The following CHN2 variants were observed in gnomAD, a reference collection of about 807,000 sequenced individuals.
The protein encoded by CHN2 is beta-chimaerin.
In CHN2, 35 loss-of-function variants were observed where a neutral mutation model predicts 56.3. That is an observed-to-expected ratio of 0.62 (90% CI 0.47 to 0.82). CHN2 has a LOEUF of 0.82. Ranked by LOEUF, CHN2 falls within the 40% of genes least tolerant of loss-of-function variation. The pLI is 0.00. For missense variants in CHN2, 491 were observed against 580.5 expected (o/e 0.85, Z 1.58); for synonymous variants, 210 against 212.8 (o/e 0.99, Z 0.12).
At chr7:29,412,494 G>A (rs1334760199) in intron 6 of CHN2, among the ~76,000 whole-genome samples, 1 of 151,908 alleles carries the variant, frequency 6.6e-6, no homozygotes, top group African/African-American at 2.4e-5. Flanking sequence ...ACCACACCCA[G>A]CTAATTTTTG....
At chr7:29,333,783 TG>T (rs1407285760) in intron 1 of CHN2, among the ~76,000 whole-genome samples, 1 of 152,084 alleles carries the variant, frequency 6.6e-6, no homozygotes, top group African/African-American at 2.4e-5. Flanking sequence ...CATAAACCAG[TG>T]GCTGCCGGAA....
chr7:29,309,468 T>C (rs192473774), intron 1 of CHN2, among the ~76,000 whole-genome samples: 33 of 152,298 alleles, frequency 2.2e-4, no homozygotes, highest in Admixed American at 2.0e-3. Flanking sequence ...CCTATTAATA[T>C]ATTCACAGTG....
intron 1 of CHN2, chr7:29,197,818 T>C: frequency 4.9e-6 from 2 of 405,086 alleles, no homozygotes; most frequent in South Asian, 1.8e-5. Flanking sequence ...ACAAATTCTG[T>C]GGAGAAGGGT....
intron 2 of CHN2, chr7:29,181,292 T>C (rs1314496681): frequency 6.6e-6 from 1 of 152,236 alleles, no homozygotes; most frequent in Non-Finnish European, 1.5e-5. Flanking sequence ...TTACTCACAT[T>C]GTAGTTTGAA....
At chr7:29,264,731 T>A (rs1789974721) in intron 1 of CHN2, among the ~76,000 whole-genome samples, 2 of 152,038 alleles carry the variant, frequency 1.3e-5, no homozygotes, top group Non-Finnish European at 2.9e-5. Flanking sequence ...CACGTTTGTC[T>A]GCTGACCTTC....
At chr7:29,303,500 C>T (rs1227591628) in intron 1 of CHN2, among the ~76,000 whole-genome samples, 2 of 152,172 alleles carry the variant, frequency 1.3e-5, no homozygotes, top group Admixed American at 1.3e-4. Flanking sequence ...TTTCCCAGTT[C>T]CACCTGGGAG....
intron 2 of CHN2, among the ~76,000 whole-genome samples, chr7:29,162,554 G>T (rs1044210172): frequency 6.6e-6 from 1 of 151,960 alleles, no homozygotes; most frequent in Non-Finnish European, 1.5e-5. Flanking sequence ...CCAACTACTT[G>T]GGAGGCTGAG....
chr7:29,439,384 G>T (rs950239502), intron 6 of CHN2, among the ~76,000 whole-genome samples: 1 of 152,166 alleles, frequency 6.6e-6, no homozygotes, highest in African/African-American at 2.4e-5. Flanking sequence ...GCTTCTTCCT[G>T]TTCCTTGACT....
At chr7:29,193,879 G>A (rs940811739), upstream of CHN2, 1 of 152,200 alleles carries the variant, frequency 6.6e-6, no homozygotes, top group Admixed American at 6.5e-5. Flanking sequence ...TTCTTTGAAG[G>A]CCAACCTCAG....
intron 2 of CHN2, among the ~76,000 whole-genome samples, chr7:29,357,680 A>G (rs926763459): frequency 7.2e-5 from 11 of 152,186 alleles, no homozygotes; most frequent in African/African-American, 2.7e-4. Flanking sequence ...CTGGGAAAGA[A>G]GACTATAGAA....
intron 3 of CHN2, among the ~76,000 whole-genome samples, chr7:29,387,348 A>T (rs1048543934): frequency 3.9e-5 from 6 of 152,238 alleles, no homozygotes; most frequent in African/African-American, 1.2e-4. Context: ...TCAGAGTCCC[A>T]CAGTAACTGG....
intron 6 of CHN2, among the ~76,000 whole-genome samples, chr7:29,434,073 C>CT (rs1234059450): frequency 1.3e-5 from 2 of 152,160 alleles, no homozygotes; most frequent in African/African-American, 4.8e-5. Context: ...AATTTGTACT[C>CT]TTTTCCTTGG....
intron 1 of CHN2, among the ~76,000 whole-genome samples, chr7:29,286,465 G>A: frequency 6.6e-6 from 1 of 152,132 alleles, no homozygotes; most frequent in East Asian, 1.9e-4. Context: ...GGAGGGAGAT[G>A]AAGGGACAAG....
intron 1 of CHN2, among the ~76,000 whole-genome samples, chr7:29,333,863 G>C (rs1442971171): frequency 6.6e-6 from 1 of 152,112 alleles, no homozygotes; most frequent in South Asian, 2.1e-4. Context: ...GACCAGATGA[G>C]TGTGTGTGAG....
At chr7:29,482,969 C>T (rs1787491016) in intron 7 of CHN2, among the ~76,000 whole-genome samples, 1 of 150,974 alleles carries the variant, frequency 6.6e-6, no homozygotes, top group Admixed American at 6.6e-5. Flanking sequence ...CTACAGGCGC[C>T]CGCCAACACA....
At chr7:29,492,806 T>C (rs1320021189) in intron 7 of CHN2, among the ~76,000 whole-genome samples, 1 of 152,216 alleles carries the variant, frequency 6.6e-6, no homozygotes, top group Non-Finnish European at 1.5e-5. Flanking sequence ...TGCTAATGAC[T>C]TCCATGTATC....
intron 1 of CHN2, among the ~76,000 whole-genome samples, chr7:29,342,228 A>C (rs757941680): frequency 6.6e-6 from 1 of 152,176 alleles, no homozygotes; most frequent in Non-Finnish European, 1.5e-5. Flanking sequence ...GGATGGTTAG[A>C]TGGATGGATG....
chr7:29,243,513 T>A (rs1482376668), intron 1 of CHN2, among the ~76,000 whole-genome samples: 1 of 152,236 alleles, frequency 6.6e-6, no homozygotes, highest in Non-Finnish European at 1.5e-5. Context: ...CATTTGCCTA[T>A]TTTTACATTC....
chr7:29,177,547 C>T (rs1191569987), intron 2 of CHN2, among the ~76,000 whole-genome samples: 3 of 150,918 alleles, frequency 2.0e-5, no homozygotes, highest in Middle Eastern at 6.8e-3. Context: ...ACCCACCGTG[C>T]CTGGCCCCCT....
Sources: gnomAD v4.1 joint callset for allele counts (sites outside exome capture counted in the v4.1 genomes callset) on GRCh38, gnomAD v4.1.1 for gene constraint, MANE v1.5 for transcripts, NCBI Gene and HGNC (gene_info 2026-07-23, HGNC 2026-07-21) for gene names.